The following PRMT3 variants were observed in gnomAD, a reference collection of about 807,000 sequenced individuals.
The protein encoded by PRMT3 is protein arginine N-methyltransferase 3.
In PRMT3, 62 loss-of-function variants were observed where a neutral mutation model predicts 71.9. That is an observed-to-expected ratio of 0.86 (90% CI 0.70 to 1.07). The LOEUF (loss-of-function observed/expected upper bound fraction) is 1.07. Among genes scored for constraint, PRMT3 ranks in the 50% least tolerant of loss-of-function variants. The pLI, the probability that PRMT3 is intolerant of heterozygous loss-of-function variation, is 0.00. For synonymous variants in PRMT3, 213 were observed against 220.4 expected (o/e 0.97, Z 0.30); for missense variants, 663 against 643.0 (o/e 1.03, Z -0.34).
chr11:20,507,808 T>C (rs1162102780), intron 15 of PRMT3, among the ~76,000 whole-genome samples: 1 of 144,794 alleles, frequency 6.9e-6, no homozygotes, highest in African/African-American at 2.6e-5. Flanking sequence ...ATAATGCTGC[T>C]CTAAAAAATG....
At chr11:20,468,350 G>A (rs747278838) in intron 13 of PRMT3, among the ~76,000 whole-genome samples, 20 of 151,974 alleles carry the variant, frequency 1.3e-4, no homozygotes, top group Admixed American at 3.9e-4. Context: ...TATGTATAAC[G>A]TGGTTTTTGT....
At chr11:20,497,823 CT>C (rs899840310) in intron 15 of PRMT3, among the ~76,000 whole-genome samples, 1 of 152,094 alleles carries the variant, frequency 6.6e-6, no homozygotes, top group Non-Finnish European at 1.5e-5. Context: ...CTTAACAAAT[CT>C]TAAAAACAAG....
chr11:20,463,013 G>A (rs1216870146), intron 12 of PRMT3, among the ~76,000 whole-genome samples: 1 of 152,092 alleles, frequency 6.6e-6, no homozygotes, highest in Non-Finnish European at 1.5e-5. Context: ...CTACAGGCAT[G>A]CACCACCATG....
At chr11:20,497,846 A>G (rs1355307769) in intron 15 of PRMT3, among the ~76,000 whole-genome samples, 1 of 152,210 alleles carries the variant, frequency 6.6e-6, no homozygotes, top group Non-Finnish European at 1.5e-5. Flanking sequence ...CTTGAAGGGA[A>G]AAGAACTAAG....
intron 8 of PRMT3, chr11:20,406,837 T>G (rs968786618): frequency 1.7e-4 from 26 of 152,316 alleles, no homozygotes; most frequent in Admixed American, 1.1e-3. Context: ...TGATAATAGC[T>G]ATCCTAGTTG....
chr11:20,425,045 G>A (rs4131113), intron 9 of PRMT3, among the ~76,000 whole-genome samples: 147,734 of 151,868 alleles, frequency 0.97, 72,179 homozygotes, highest in Middle Eastern at 1. Flanking sequence ...GGTTGAGGCT[G>A]CAGTGAGCTG....
intron 8 of PRMT3, among the ~76,000 whole-genome samples, chr11:20,403,917 T>C (rs1161960058): frequency 6.6e-6 from 1 of 152,140 alleles, no homozygotes; most frequent in African/African-American, 2.4e-5. Flanking sequence ...TTTTTCCTGA[T>C]TTTTGTATTG....
intron 10 of PRMT3, among the ~76,000 whole-genome samples, chr11:20,433,251 C>G (rs902763438): frequency 3.3e-5 from 5 of 152,136 alleles, no homozygotes; most frequent in African/African-American, 9.6e-5. Context: ...GTTCCCTTCT[C>G]GTATTCGTGA....
intron 10 of PRMT3, among the ~76,000 whole-genome samples, chr11:20,434,806 T>TG (rs549913605): frequency 2.0e-5 from 3 of 152,206 alleles, no homozygotes; most frequent in African/African-American, 2.4e-5. Flanking sequence ...AGTTTGAAGT[T>TG]GGGAAATGTG....
intron 11 of PRMT3, among the ~76,000 whole-genome samples, chr11:20,461,363 C>T (rs1288328807): frequency 6.6e-6 from 1 of 152,176 alleles, no homozygotes; most frequent in Admixed American, 6.5e-5. Context: ...TGCTCCTGTT[C>T]TTAGTATTTA....
intron 10 of PRMT3, among the ~76,000 whole-genome samples, chr11:20,445,465 TC>T (rs748336911): frequency 3.7e-4 from 57 of 152,126 alleles, no homozygotes; most frequent in Admixed American, 1.3e-4. Flanking sequence ...ATGAATGTGT[TC>T]TTTTTGCTTT....
At chr11:20,497,947 C>T (rs141683910) in intron 15 of PRMT3, among the ~76,000 whole-genome samples, 2 of 151,938 alleles carry the variant, frequency 1.3e-5, no homozygotes, top group African/African-American at 4.8e-5. Context: ...GGAACAGACC[C>T]AGAAGTGATG....
chr11:20,464,996 T>A (rs970427410), intron 13 of PRMT3, among the ~76,000 whole-genome samples: 11 of 152,150 alleles, frequency 7.2e-5, no homozygotes, highest in African/African-American at 4.8e-5. Flanking sequence ...TAATAATAAT[T>A]TAATAGTCTA....
rs572836588 is a variant in PRMT3, at chr11:20,507,777, TAAAAA to T, written c.1487-521_1487-517del. Among the ~76,000 whole-genome samples, 3 of 63,724 alleles carry T rather than the reference TAAAAA, an allele frequency of 4.7e-5. No individual in the cohort carries two copies. The East Asian group carries it at 7.5e-4, about 16-fold the overall frequency. 41.8% of individuals were successfully genotyped at this position (63,724 alleles called of 152,430 possible). A position where few individuals can be genotyped will look rare whatever the true frequency, so the allele number is the denominator to read the frequency against. On this transcript the variant is annotated intron_variant, in intron 15 of 15. Coordinates refer to ENST00000331079, the MANE Select transcript of PRMT3 (RefSeq NM_005788.4). Reference sequence around the variant, plus strand: ...CCTGGGCAACAGAGAGAGACTGTCTTAAAAAAAAAATTAATGAAACATAATGCTGC... The same window carrying T: ...CCTGGGCAACAGAGAGAGACTGTCTTAAAAATTAATGAAACATAATGCTGC...
At chr11:20,501,200 A>T (rs190082942) in intron 15 of PRMT3, among the ~76,000 whole-genome samples, 182 of 152,264 alleles carry the variant, frequency 1.2e-3, no homozygotes, top group African/African-American at 4.2e-3. Context: ...CCCCAGATAA[A>T]TTCATATACA....
intron 2 of PRMT3, 104 bp downstream of exon 2, chr11:20,388,258 T>C (rs1565189057): frequency 1.3e-6 from 2 of 1,505,932 alleles, no homozygotes; most frequent in Non-Finnish European, 1.8e-6. Flanking sequence ...GAGTGGCCTG[T>C]CTTTGAATTC....
intron 15 of PRMT3, among the ~76,000 whole-genome samples, chr11:20,505,607 C>T (rs988337428): frequency 1.3e-5 from 2 of 151,982 alleles, no homozygotes; most frequent in African/African-American, 4.8e-5. Flanking sequence ...GCTGTTCGTT[C>T]CCAGTTTTGG....
chr11:20,491,519 G>A (rs879760865), intron 13 of PRMT3, among the ~76,000 whole-genome samples: 4 of 152,182 alleles, frequency 2.6e-5, no homozygotes, highest in Non-Finnish European at 5.9e-5. Flanking sequence ...CTGTCTTAGT[G>A]TCCGAGCAGA....
rs557491151 is a variant in PRMT3, at chr11:20,433,409, G to C, written c.993+6544G>C. Among the ~76,000 whole-genome samples, 3 of 152,220 alleles carry C rather than the reference G, an allele frequency of 2.0e-5. No homozygotes were observed. The East Asian group carries it at 5.8e-4, about 29-fold the overall frequency. ...CTCATTCTTTTTTATGGCTGCAATA[G>C]TATTCTATGGTGTATCTGTGACACC... On this transcript the variant is annotated intron_variant, in intron 10 of 15. Transcript: ENST00000331079.
Sources: gnomAD v4.1 joint callset for allele counts (sites outside exome capture counted in the v4.1 genomes callset) on GRCh38, gnomAD v4.1.1 for gene constraint, MANE v1.5 for transcripts, NCBI Gene and HGNC (gene_info 2026-07-23, HGNC 2026-07-21) for gene names.